Variants in CREBBP observed in about 807,000 individuals in gnomAD.
CREBBP encodes CREB binding lysine acetyltransferase.
CREBBP carries 19 observed loss-of-function variants against 265.0 expected under a neutral mutation model. That is an observed-to-expected ratio of 0.07 (90% CI 0.05 to 0.11). CREBBP has a LOEUF of 0.11. Ranked by LOEUF, CREBBP falls within the 10% of genes least tolerant of loss-of-function variation. The pLI is 1.00. For missense variants in CREBBP, 2,525 were observed against 3,219.0 expected (o/e 0.78, Z 5.22); for synonymous variants, 1,457 against 1,223.7 (o/e 1.19, Z -3.98).
intron 2 of CREBBP, among the ~76,000 whole-genome samples, chr16:3,818,145 G>C (rs540802608): frequency 9.2e-5 from 14 of 152,158 alleles, no homozygotes; most frequent in African/African-American, 3.4e-4. Context: ...AACCACTTAT[G>C]AGTATGCACC....
chr16:3,797,454 C>T (rs144007176), intron 3 of CREBBP, among the ~76,000 whole-genome samples: 2 of 152,176 alleles, frequency 1.3e-5, no homozygotes, highest in East Asian at 1.9e-4. Flanking sequence ...GTACTGAATC[C>T]TATATATACT....
At chr16:3,864,509 A>T (rs112067215) in intron 1 of CREBBP, among the ~76,000 whole-genome samples, 43 of 152,222 alleles carry the variant, frequency 2.8e-4, no homozygotes, top group Non-Finnish European at 1.2e-4. Flanking sequence ...TTAGCCAGGC[A>T]TGGTGGCACA....
chr16:3,754,565 C>T (rs1421358184), intron 19 of CREBBP, among the ~76,000 whole-genome samples: 1 of 152,096 alleles, frequency 6.6e-6, no homozygotes, highest in African/African-American at 2.4e-5. Flanking sequence ...CATAGTTTAT[C>T]TGTAAGGGTA....
intron 2 of CREBBP, among the ~76,000 whole-genome samples, chr16:3,841,243 C>G (rs1267093943): frequency 6.6e-6 from 1 of 151,868 alleles, no homozygotes; most frequent in African/African-American, 2.4e-5. Context: ...CTTAATTTGA[C>G]TCGAAGCCAA....
intron 8 of CREBBP, among the ~76,000 whole-genome samples, chr16:3,780,241 C>CAAAA (rs559038927): frequency 3.7e-5 from 2 of 53,686 alleles, no homozygotes; most frequent in South Asian, 6.9e-4. Context: ...GACTCTGTCT[C>CAAAA]AAAAAAAAAA....
In CREBBP at chr16:3,770,628, G is replaced by A. The variant is rs765466432; in HGVS notation, c.2822C>T (p.Thr941Ile). 6.2e-7 allele frequency: 1 copy of A among 1,613,536 alleles called. No homozygotes were observed. Residue 941 changes from threonine (T) to isoleucine (I), a missense_variant, in exon 14 of 31, where the codon ACC (threonine) becomes ATC (isoleucine). By Grantham distance (89) the Thr-to-Ile change is moderately conservative. This residue lies in a region of CREBBP where 548 missense variants were observed against 533.0 expected (regional missense o/e 1.03). Coordinates refer to ENST00000262367, the MANE Select transcript of CREBBP (RefSeq NM_004380.3). ...CGGCTGTTGCTGCGATGACTGAGGG[G>A]TAGCCACAGACGGGGGCTGAACTGG... ...QTPVQPPSVA[T>I]PQSSQQQPTP...
intron 5 of CREBBP, among the ~76,000 whole-genome samples, chr16:3,785,493 T>C (rs2053364622): frequency 2.0e-5 from 3 of 152,076 alleles, no homozygotes; most frequent in Admixed American, 2.0e-4. Flanking sequence ...CCCTGAAAGG[T>C]GGGATTAATG....
At chr16:3,854,255 T>C (rs1301660641) in intron 1 of CREBBP, among the ~76,000 whole-genome samples, 1 of 152,172 alleles carries the variant, frequency 6.6e-6, no homozygotes. Flanking sequence ...GAAAAGGTGT[T>C]CCTTCCTCAC....
chr16:3,731,083 T>C lies in CREBBP; in HGVS notation c.5172+109A>G. 2 of 1,159,404 alleles carry C rather than the reference T, an allele frequency of 1.7e-6. No homozygotes were observed. Among genetic ancestry groups the C allele is most frequent in the Admixed American group, 3.5e-5 (2 of 56,628 alleles). 71.8% of individuals were successfully genotyped at this position (1,159,404 alleles called of 1,614,324 possible). ...GCTGTCCTAGTTCTGGAGGAGTCAG[T>C]GCAGCCACCATCAGGTACAGACACC... On this transcript the variant is annotated intron_variant, in intron 30 of 30. Coordinates refer to ENST00000262367, the MANE Select transcript of CREBBP (RefSeq NM_004380.3). This position sits in a 1 kb window ranked among gnomAD's most constrained non-coding sequence, Gnocchi z 7.7.
intron 2 of CREBBP, among the ~76,000 whole-genome samples, chr16:3,837,185 T>C (rs1054559353): frequency 1.3e-5 from 2 of 152,224 alleles, no homozygotes; most frequent in Non-Finnish European, 2.9e-5. Flanking sequence ...TCTGAAGACC[T>C]TTCAGTGGGA....
rs552886394 is a variant in CREBBP, at chr16:3,790,500, A to G, written c.1330+1481T>C. On this transcript the variant is annotated intron_variant, in intron 5 of 30. Coordinates refer to ENST00000262367, the MANE Select transcript of CREBBP (RefSeq NM_004380.3). ...AGTGATTCTCCTGCCTCAGCCTCCCAAGTAGCTGGAATTACAGGCATGCGC... is the reference window on the plus strand; with the variant it reads ...AGTGATTCTCCTGCCTCAGCCTCCCGAGTAGCTGGAATTACAGGCATGCGC... Among the ~76,000 whole-genome samples, 12 of 150,110 alleles carry G rather than the reference A, an allele frequency of 8.0e-5. No homozygotes were observed. In the East Asian group the frequency reaches 1.8e-3, roughly 22 times the overall value.
intron 2 of CREBBP, chr16:3,812,952 G>A (rs1346646284): frequency 1.9e-5 from 4 of 210,630 alleles, no homozygotes; most frequent in Non-Finnish European, 2.9e-5. Flanking sequence ...TGACTGCCAC[G>A]CCAGCATGTC....
At chr16:3,781,451 G>A (rs1449679190) in intron 6 of CREBBP, 145 bp from the exon 7 acceptor site, 11 of 668,734 alleles carry the variant, frequency 1.6e-5, no homozygotes, top group East Asian at 2.9e-5. Flanking sequence ...TAAGCACTGC[G>A]GCAGGAACTC....
At chr16:3,788,276 G>C (rs2053432279) in intron 5 of CREBBP, among the ~76,000 whole-genome samples, 4 of 152,230 alleles carry the variant, frequency 2.6e-5, no homozygotes, top group Admixed American at 2.0e-4. Flanking sequence ...GTGCATCTCA[G>C]ATTTTAATGT....
chr16:3,757,438 G>T, intron 18 of CREBBP, 62 bp from the exon 19 acceptor site: 1 of 1,320,088 alleles, frequency 7.6e-7, no homozygotes, highest in Non-Finnish European at 1.1e-6. Context: ...GTCTTATAAT[G>T]TTCTAGTCTA....
intron 19 of CREBBP, among the ~76,000 whole-genome samples, chr16:3,753,789 T>C (rs129985): frequency 0.11 from 16,031 of 152,160 alleles, 2,556 homozygotes; most frequent in African/African-American, 0.34. Context: ...AAACTCCTAA[T>C]TGAGTGCCCC....
At position 3,731,174 on chromosome 16, in the gene CREBBP, G is replaced by T. The variant is rs2051904864; in HGVS notation, c.5172+18C>A. The T allele has an allele frequency of 6.2e-7, 1 of 1,605,322 alleles. No individual in the cohort carries two copies. Among genetic ancestry groups the T allele is most frequent in the Non-Finnish European group, 8.5e-7 (1 of 1,174,524 alleles). ...ACCCCAGGCCGGCTGTGGGGGTGGGGGTGGGGGCAGGGCCTACCTCGCACA... is the reference window on the plus strand; with the variant it reads ...ACCCCAGGCCGGCTGTGGGGGTGGGTGTGGGGGCAGGGCCTACCTCGCACA... On this transcript the variant is annotated intron_variant, in intron 30 of 30. Transcript: ENST00000262367. This position sits in a 1 kb window ranked among gnomAD's most constrained non-coding sequence, Gnocchi z 7.7.
intron 2 of CREBBP, among the ~76,000 whole-genome samples, chr16:3,833,611 A>G (rs1399088129): frequency 1.3e-5 from 2 of 152,232 alleles, no homozygotes; most frequent in African/African-American, 4.8e-5. Context: ...AAGATACAAC[A>G]TTAATACAGA....
intron 1 of CREBBP, among the ~76,000 whole-genome samples, chr16:3,874,381 G>A (rs935014528): frequency 3.9e-5 from 6 of 152,200 alleles, no homozygotes; most frequent in African/African-American, 1.2e-4. Context: ...TGGTAGGCCA[G>A]TGCTCCCCAA....
Sources: allele counts gnomAD v4.1 joint callset (sites outside exome capture counted in the v4.1 genomes callset), GRCh38; gene constraint gnomAD v4.1.1; regional missense constraint gnomAD v4.1.1; non-coding constraint Gnocchi (gnomAD v3.1); transcripts MANE v1.5; gene names NCBI Gene and HGNC (gene_info 2026-07-23, HGNC 2026-07-21).